Variants in SLC39A11 observed in about 807,000 individuals in gnomAD.
SLC39A11 encodes zinc transporter ZIP11.
Under a neutral mutation model 36.1 loss-of-function variants are expected in SLC39A11, and 33 were observed. That is an observed-to-expected ratio of 0.91 (90% confidence interval 0.69 to 1.22). The LOEUF is 1.22. SLC39A11 is among the 50% of genes most tolerant of loss of function. The probability of loss-of-function intolerance (pLI) is 0.00; values close to 1 mark genes in which losing one functional copy is unlikely to be tolerated. For synonymous variants in SLC39A11, 166 were observed against 170.3 expected (o/e 0.97, Z 0.20); for missense variants, 432 against 430.3 (o/e 1.00, Z -0.03).
At chr17:72,818,980 A>G (rs1465664348) in intron 6 of SLC39A11, 1 of 151,280 alleles carries the variant, frequency 6.6e-6, no homozygotes, top group Non-Finnish European at 1.5e-5. Flanking sequence ...CTGCCCTATT[A>G]TAAGGTTTTT....
intron 5 of SLC39A11, among the ~76,000 whole-genome samples, chr17:72,936,906 A>G (rs1011299033): frequency 3.3e-5 from 5 of 152,028 alleles, no homozygotes; most frequent in Non-Finnish European, 5.9e-5. Context: ...ATCTGGCTGG[A>G]CTCAGAGCTC....
chr17:72,999,613 A>G (rs1476124693), intron 4 of SLC39A11, among the ~76,000 whole-genome samples: 1 of 152,206 alleles, frequency 6.6e-6, no homozygotes, highest in Non-Finnish European at 1.5e-5. Context: ...TTTTTAGTGC[A>G]CTGGGGATTG....
chr17:73,018,525 G>A (rs2148564658), intron 4 of SLC39A11, among the ~76,000 whole-genome samples: 1 of 151,864 alleles, frequency 6.6e-6, no homozygotes, highest in East Asian at 1.9e-4. Flanking sequence ...TCCAGCCTGG[G>A]AAACACGGCA....
intron 4 of SLC39A11, among the ~76,000 whole-genome samples, chr17:73,022,131 A>G (rs1295667575): frequency 6.6e-6 from 1 of 152,260 alleles, no homozygotes; most frequent in African/African-American, 2.4e-5. Flanking sequence ...GACTGTGTAC[A>G]CAGCTAACAC....
At chr17:72,947,982 G>A (rs557137568) in intron 4 of SLC39A11, 107 bp from the exon 5 acceptor site, 603 of 1,427,070 alleles carry the variant, frequency 4.2e-4, no homozygotes, top group Non-Finnish European at 4.9e-4. Flanking sequence ...TACCAAGACC[G>A]CCACAGCTGA....
intron 3 of SLC39A11, among the ~76,000 whole-genome samples, chr17:73,078,571 C>T (rs1309344128): frequency 6.6e-6 from 1 of 151,610 alleles, no homozygotes; most frequent in African/African-American, 2.4e-5. Flanking sequence ...ACTGCAACCT[C>T]CACCTTCCGG....
chr17:72,673,984 C>T (rs1236307030), intron 7 of SLC39A11, among the ~76,000 whole-genome samples: 6 of 152,130 alleles, frequency 3.9e-5, no homozygotes, highest in African/African-American at 1.2e-4. Flanking sequence ...AGGAGAATTG[C>T]TTGAACCTGG....
intron 6 of SLC39A11, among the ~76,000 whole-genome samples, chr17:72,773,663 ACACACACACACACACC>A (rs907556432): frequency 1.9e-4 from 28 of 151,050 alleles, no homozygotes; most frequent in African/African-American, 6.4e-4. Context: ...ACACACACAC[ACACACACACACACACC>A]CAGTATATAA....
chr17:72,881,646 T>C (rs907045746), intron 5 of SLC39A11, among the ~76,000 whole-genome samples: 4 of 152,226 alleles, frequency 2.6e-5, no homozygotes, highest in African/African-American at 9.6e-5. Context: ...TTCATAGAGC[T>C]GGCATCCCAT....
At chr17:72,940,673 T>A (rs2085048986) in intron 5 of SLC39A11, among the ~76,000 whole-genome samples, 1 of 152,236 alleles carries the variant, frequency 6.6e-6, no homozygotes, top group South Asian at 2.1e-4. Context: ...CATGCAGGTA[T>A]GAGGCTAACG....
chr17:72,923,228 G>C (rs952446186), intron 5 of SLC39A11, among the ~76,000 whole-genome samples: 10 of 152,182 alleles, frequency 6.6e-5, no homozygotes, highest in African/African-American at 1.9e-4. Context: ...GGACCACCCT[G>C]CCCCATGGTC....
At chr17:72,953,343 A>G (rs1009420535) in intron 4 of SLC39A11, among the ~76,000 whole-genome samples, 1 of 152,044 alleles carries the variant, frequency 6.6e-6, no homozygotes, top group Non-Finnish European at 1.5e-5. Context: ...GAGAGGAAAT[A>G]GAGAGAAAAA....
intron 7 of SLC39A11, among the ~76,000 whole-genome samples, chr17:72,693,313 A>G (rs926945939): frequency 6.8e-6 from 1 of 146,678 alleles, no homozygotes; most frequent in Non-Finnish European, 1.5e-5. Context: ...AACACTGACC[A>G]GCCAGCAAGC....
At chr17:72,937,451 C>T (rs1037199769) in intron 5 of SLC39A11, among the ~76,000 whole-genome samples, 4 of 144,870 alleles carry the variant, frequency 2.8e-5, no homozygotes, top group Admixed American at 7.1e-5. Flanking sequence ...AGAGAGAGTC[C>T]GTCTAAACAA....
At chr17:73,073,609 C>T (rs532871658) in intron 3 of SLC39A11, 1 of 152,238 alleles carries the variant, frequency 6.6e-6, no homozygotes, top group African/African-American at 2.4e-5. Flanking sequence ...CCTTGGAGGC[C>T]CTGGGGCTCC....
chr17:72,677,541 G>A (rs534633714), intron 7 of SLC39A11, among the ~76,000 whole-genome samples: 2 of 152,080 alleles, frequency 1.3e-5, no homozygotes, highest in East Asian at 1.9e-4. Flanking sequence ...CGGAAGTGAC[G>A]CGGCCATCTT....
chr17:72,887,561 G>A (rs192510065), intron 5 of SLC39A11, among the ~76,000 whole-genome samples: 283 of 152,294 alleles, frequency 1.9e-3, no homozygotes, highest in African/African-American at 5.8e-3. Context: ...CCCGTCTTCC[G>A]TCATAACGAG....
intron 4 of SLC39A11, among the ~76,000 whole-genome samples, chr17:72,978,578 A>T (rs893921885): frequency 6.6e-6 from 1 of 152,076 alleles, no homozygotes; most frequent in Non-Finnish European, 1.5e-5. Context: ...AAGGAATAGC[A>T]GATGCAAAGG....
intron 6 of SLC39A11, among the ~76,000 whole-genome samples, chr17:72,739,129 ATTTT>A (rs10531579): frequency 4.2e-5 from 6 of 143,738 alleles, no homozygotes; most frequent in Non-Finnish European, 3.0e-5. Flanking sequence ...AGAATTTCGG[ATTTT>A]TTTTTTTTTT....
Sources: allele counts gnomAD v4.1 joint callset (sites outside exome capture counted in the v4.1 genomes callset), GRCh38; gene constraint gnomAD v4.1.1; transcripts MANE v1.5; gene names NCBI Gene and HGNC (gene_info 2026-07-23, HGNC 2026-07-21).